USP19: variants seen among roughly 807,000 people sequenced by gnomAD.
The protein encoded by USP19 is ubiquitin carboxyl-terminal hydrolase 19.
USP19 carries 40 observed loss-of-function variants against 144.8 expected under a neutral mutation model. That is an observed-to-expected ratio of 0.28 (90% confidence interval 0.21 to 0.36). The LOEUF is 0.36. USP19 is among the 10% of genes least tolerant of loss of function. The pLI, the probability that USP19 is intolerant of heterozygous loss-of-function variation, is 1.00. For synonymous variants in USP19, 701 were observed against 709.3 expected (o/e 0.99, Z 0.19); for missense variants, 1,518 against 1,822.5 (o/e 0.83, Z 3.04).
rs1300313097 is a variant in USP19 at position 49,117,367 on chromosome 3, A to G, written c.607-6T>C. On this transcript the variant is annotated splice_region_variant and splice_polypyrimidine_tract_variant and intron_variant, in intron 5 of 26. Transcript: ENST00000417901. This position sits in a 1 kb window ranked among gnomAD's most constrained non-coding sequence, Gnocchi z 4.4. Reference sequence around the variant, plus strand: ...TGGGTCCCTAGAGGTTTCTTCTGCCAAAGATACAGCAGTCAGGCCCTGTCG... The same window carrying G: ...TGGGTCCCTAGAGGTTTCTTCTGCCGAAGATACAGCAGTCAGGCCCTGTCG... The G allele has an allele frequency of 1.3e-6, 2 of 1,599,166 alleles. No individual in the cohort carries two copies. The highest frequency in any genetic ancestry group is 1.7e-6 in the Non-Finnish European group (2 of 1,169,664).
chr3:49,117,329 C>T lies in USP19; in HGVS notation c.639G>A (p.Pro213=), dbSNP rs751271899. 8 of 1,587,098 alleles carry T rather than the reference C, an allele frequency of 5.0e-6. No individual in the cohort carries two copies. The highest frequency in any genetic ancestry group is 2.2e-5 in the South Asian group (2 of 89,174). ...KKPLGTQELV[P]GLRCQENGQE... ...GCCCATTCTCCTGGCACCGCAGCCCCGGCACCAGCTCCTGGGTCCCTAGAG... is the reference window on the plus strand; with the variant it reads ...GCCCATTCTCCTGGCACCGCAGCCCTGGCACCAGCTCCTGGGTCCCTAGAG... Residue 213 remains proline, a synonymous_variant, in exon 6 of 27, where the codon CCG becomes CCA. Transcript: ENST00000417901. This position sits in a 1 kb window ranked among gnomAD's most constrained non-coding sequence, Gnocchi z 4.4.
At position 49,111,361 on chromosome 3, in the gene USP19, A is replaced by G. The variant is rs751053094; in HGVS notation, c.3222T>C (p.Ala1074=). Residue 1074 remains alanine, a synonymous_variant, in exon 22 of 27, where the codon GCT becomes GCC. Coordinates refer to ENST00000417901, the MANE Select transcript of USP19 (RefSeq NM_001199161.2). The surrounding 1 kb of genome is among the most constrained non-coding windows in gnomAD (Gnocchi z 5.9). ...CACTTGGATGCTGGTACCCAGGCAC[A>G]GCAGCTGTGTGAGAACATGATAATC... ...AGERVSRPEA[A]VPGYQHPSEA... is the part of the protein sequence containing the mutation. 6.2e-7 allele frequency: 1 copy of G among 1,614,074 alleles called. No homozygotes were observed. Among genetic ancestry groups the G allele is most frequent in the Non-Finnish European group, 8.5e-7 (1 of 1,180,054 alleles).
At position 49,110,468 on chromosome 3, in the gene USP19, G is replaced by A. The variant is rs2042982053; in HGVS notation, c.3835C>T (p.Arg1279Cys). ...CCCACGTCACTGCGCTGACTGCTACGATCATTGGGCAGGCGTGCACAGGCA... is the reference window on the plus strand; with the variant it reads ...CCCACGTCACTGCGCTGACTGCTACAATCATTGGGCAGGCGTGCACAGGCA... The part of the protein sequence containing the change: ...YTACARLPND[R>C]SSQRSDVGWR... Residue 1279 changes from arginine to cysteine, a missense_variant, in exon 25 of 27, where the codon CGT becomes TGT. Arg to Cys is a radical substitution (Grantham distance 180, BLOSUM62 -3). Coordinates refer to ENST00000417901, the MANE Select transcript of USP19 (RefSeq NM_001199161.2). The surrounding 1 kb of genome is among the most constrained non-coding windows in gnomAD (Gnocchi z 6.1). 1.9e-6 allele frequency: 3 copies of A among 1,614,036 alleles called. No homozygotes were observed. Among genetic ancestry groups the A allele is most frequent in the East Asian group, 2.2e-5 (1 of 44,902 alleles).
rs1256702786 is a variant in USP19 at position 49,116,932 on chromosome 3, A to C, written c.921T>G (p.Asp307Glu). ...TCAGCGGTGGTATGCAAAGCTGTTC[A>C]TCAGCCTCAACCTATTAATGGCAAG... is the stretch of plus-strand genomic sequence containing the variant. Reference protein sequence around the residue: ...VADPATQVEADEQLCIPPLNS... With the variant: ...VADPATQVEAEEQLCIPPLNS... The change falls in exon 7 of 27, where the codon GAT becomes GAG. Residue 307 changes from aspartate (D) to glutamate (E), a missense_variant. By Grantham distance (45) the Asp-to-Glu change is conservative (BLOSUM62 2). Transcript: ENST00000417901. This position sits in a 1 kb window ranked among gnomAD's most constrained non-coding sequence, Gnocchi z 5.0. The C allele has an allele frequency of 1.9e-6, 3 of 1,613,590 alleles. No homozygotes were observed. The highest frequency in any genetic ancestry group is 1.3e-5 in the African/African-American group (1 of 74,910).
In USP19 at chr3:49,115,643, C is replaced by T. The variant is rs2107469513; in HGVS notation, c.1693-4G>A. Reference sequence around the variant, plus strand: ...GCACCATGCATGTAGGCTTGGGCTGCAGGAGCAAAGACGACATGAGAGAAC... The same window carrying T: ...GCACCATGCATGTAGGCTTGGGCTGTAGGAGCAAAGACGACATGAGAGAAC... On this transcript the variant is annotated splice_region_variant and splice_polypyrimidine_tract_variant and intron_variant, in intron 11 of 26. Coordinates refer to ENST00000417901, the MANE Select transcript of USP19 (RefSeq NM_001199161.2). This position sits in a 1 kb window ranked among gnomAD's most constrained non-coding sequence, Gnocchi z 6.6. The T allele has an allele frequency of 6.2e-7, 1 of 1,607,526 alleles. No individual in the cohort carries two copies. Among genetic ancestry groups the T allele is most frequent in the Non-Finnish European group, 8.5e-7 (1 of 1,176,466 alleles).
chr3:49,120,063 A>T (rs1013217906), intron 1 of USP19, among the ~76,000 whole-genome samples: 10 of 152,284 alleles, frequency 6.6e-5, no homozygotes, highest in Non-Finnish European at 1.5e-4. Context: ...AGCCACAAGG[A>T]CCACTACAGT....
In USP19 at chr3:49,117,300, T is replaced by C; in HGVS notation, c.668A>G (p.Glu223Gly). The C allele has an allele frequency of 2.5e-6, 4 of 1,582,406 alleles. No individual in the cohort carries two copies. The highest frequency in any genetic ancestry group is 3.4e-6 in the Non-Finnish European group (4 of 1,162,216). The change falls in exon 6 of 27, where the codon GAA becomes GGA. Residue 223 changes from glutamate to glycine, a missense_variant. Physicochemically the swap from Glu to Gly is moderately conservative, Grantham distance 98. This residue lies in a region of USP19 where 707 missense variants were observed against 728.9 expected (regional missense o/e 0.97). Transcript: ENST00000417901. This position sits in a 1 kb window ranked among gnomAD's most constrained non-coding sequence, Gnocchi z 4.4. ...TGGCTCCAGGGCAATGGGAGACAGT[T>C]CCTGCCCATTCTCCTGGCACCGCAG... ...PGLRCQENGQELSPIALEPGP... is the reference protein window; with the variant it reads ...PGLRCQENGQGLSPIALEPGP...
chr3:49,116,438 T>C lies in USP19; in HGVS notation c.1283+13A>G, dbSNP rs775465775. 3.7e-6 allele frequency: 6 copies of C among 1,614,136 alleles called. No homozygotes were observed. In the South Asian group the frequency reaches 6.6e-5, roughly 18 times the overall value. ...ACCTGAGGCATTGTTTGCCCCATCA[T>C]CTACCCACCCACCTGGTCTGGAAGA... On this transcript the variant is annotated intron_variant, in intron 8 of 26. Coordinates refer to ENST00000417901, the MANE Select transcript of USP19 (RefSeq NM_001199161.2). This position sits in a 1 kb window ranked among gnomAD's most constrained non-coding sequence, Gnocchi z 5.0.
Position 49,110,515 on chromosome 3 carries a change from C to A in USP19, c.3788G>T (p.Gly1263Val), listed in dbSNP as rs750051750. ...GGCAGTGTAGTGGCCACCAATCATG[C>A]CTCCATAGTGGTTGATGACAGCATA... ...DLYAVINHYG[G>V]MIGGHYTACA... Residue 1263 changes from glycine to valine, a missense_variant, in exon 25 of 27, where the codon GGC becomes GTC. Coordinates refer to ENST00000417901, the MANE Select transcript of USP19 (RefSeq NM_001199161.2). This position sits in a 1 kb window ranked among gnomAD's most constrained non-coding sequence, Gnocchi z 6.1. 6.2e-7 allele frequency: 1 copy of A among 1,614,196 alleles called. No individual in the cohort carries two copies. Among genetic ancestry groups the A allele is most frequent in the Non-Finnish European group, 8.5e-7 (1 of 1,180,046 alleles).
In USP19 at chr3:49,108,946, C is replaced by T. The variant is rs1366545619; in HGVS notation, c.4039-418G>A. 1 of 1,602,302 alleles carries T rather than the reference C, an allele frequency of 6.2e-7. No individual in the cohort carries two copies. Among genetic ancestry groups the T allele is most frequent in the Non-Finnish European group, 8.5e-7 (1 of 1,173,430 alleles). ...AGGTAGGCCAGCTCACAGCAGCTGCCTGCAGGCGAGCTCATCTCCAGCGAC... is the reference window on the plus strand; with the variant it reads ...AGGTAGGCCAGCTCACAGCAGCTGCTTGCAGGCGAGCTCATCTCCAGCGAC... On this transcript the variant is annotated intron_variant, in intron 26 of 26. Transcript: ENST00000417901. The surrounding 1 kb of genome is among the most constrained non-coding windows in gnomAD (Gnocchi z 4.8).
In USP19 at chr3:49,114,624, G is replaced by C. The variant is rs1057444187; in HGVS notation, c.2292+139C>G. The C allele has an allele frequency of 3.3e-6, 3 of 897,864 alleles. No homozygotes were observed. In the African/African-American group the frequency reaches 5.1e-5, roughly 15 times the overall value. The allele number at this position is 897,864 out of a possible 1,614,324, so 55.6% of individuals were successfully genotyped here. On this transcript the variant is annotated intron_variant, in intron 15 of 26. Transcript: ENST00000417901. This position sits in a 1 kb window ranked among gnomAD's most constrained non-coding sequence, Gnocchi z 4.5. ...CTGAGTGGGCTCTTCAGCCCAAATA[G>C]AATCCTAAGGCCTCCCTGCCAGCTT... is the stretch of plus-strand genomic sequence containing the variant.
Position 49,111,394 on chromosome 3 carries a change from C to T in USP19, c.3218-29G>A, listed in dbSNP as rs752250104. On this transcript the variant is annotated intron_variant, in intron 21 of 26. Coordinates refer to ENST00000417901, the MANE Select transcript of USP19 (RefSeq NM_001199161.2). The surrounding 1 kb of genome is among the most constrained non-coding windows in gnomAD (Gnocchi z 5.9). ...TGTGAGAACATGATAATCAAAGCTT[C>T]CCTGCCCATCAGGGCCTCACCAGGC... 5.0e-6 allele frequency: 8 copies of T among 1,613,858 alleles called. No individual in the cohort carries two copies. Among genetic ancestry groups the T allele is most frequent in the African/African-American group, 1.3e-5 (1 of 74,932 alleles).
intron 26 of USP19, chr3:49,109,318 A>G: frequency 8.5e-7 from 1 of 1,171,706 alleles, no homozygotes. Flanking sequence ...AACAGCAAGG[A>G]GGAAGGCAGG....
In USP19 at chr3:49,112,288, T is replaced by C; in HGVS notation, c.2761A>G (p.Asn921Asp). 1 of 1,608,536 alleles carries C rather than the reference T, an allele frequency of 6.2e-7. No homozygotes were observed. Among genetic ancestry groups the C allele is most frequent in the Non-Finnish European group, 8.5e-7 (1 of 1,177,546 alleles). ...CTRCYRVGYC[N>D]QLCQKTHWPD... is the part of the protein sequence containing the mutation. ...GGAGACCATGGGGGTCCTCACTGGT[T>C]GCAGTAGCCCACACGGTAGCACCGG... is the stretch of plus-strand genomic sequence containing the variant. The change falls in exon 19 of 27, where the codon AAC becomes GAC. Residue 921 changes from asparagine (N) to aspartate (D), a missense_variant. Asn to Asp is a conservative substitution (Grantham distance 23). Transcript: ENST00000417901. This position sits in a 1 kb window ranked among gnomAD's most constrained non-coding sequence, Gnocchi z 4.9.
In USP19 at chr3:49,110,567, C is replaced by T; in HGVS notation, c.3736G>A (p.Glu1246Lys). The T allele has an allele frequency of 1.2e-6, 2 of 1,614,068 alleles. No individual in the cohort carries two copies. The highest frequency in any genetic ancestry group is 2.2e-5 in the South Asian group (2 of 91,080). ...AGATCGTAGCTGGGCAGCTGCTCCT[C>T]TTTCTGACCAATGCAGAACTTGCTC... ...DLSKFCIGQK[E>K]EQLPSYDLYA... Residue 1246 changes from glutamate to lysine, a missense_variant, in exon 25 of 27, where the codon GAG becomes AAG. Physicochemically the swap from Glu to Lys is moderately conservative, Grantham distance 56 (BLOSUM62 1). Coordinates refer to ENST00000417901, the MANE Select transcript of USP19 (RefSeq NM_001199161.2). This position sits in a 1 kb window ranked among gnomAD's most constrained non-coding sequence, Gnocchi z 6.1.
chr3:49,115,446 T>C lies in USP19; in HGVS notation c.1886A>G (p.His629Arg). Residue 629 changes from histidine (H) to arginine (R), a missense_variant and splice_region_variant, in exon 12 of 27, where the codon CAT becomes CGT. Physicochemically the swap from His to Arg is conservative, Grantham distance 29 (BLOSUM62 0). This residue lies in a region of USP19 where 158 missense variants were observed against 277.3 expected (regional missense o/e 0.57). Coordinates refer to ENST00000417901, the MANE Select transcript of USP19 (RefSeq NM_001199161.2). This position sits in a 1 kb window ranked among gnomAD's most constrained non-coding sequence, Gnocchi z 6.6. ...SNTRELRDFF[H>R]DRSFEAEINY... Reference sequence around the variant, plus strand: ...CAGGCTCCAGGCCCTGCCCTCACCATGGAAGAAGTCCCGGAGTTCCCGAGT... The same window carrying C: ...CAGGCTCCAGGCCCTGCCCTCACCACGGAAGAAGTCCCGGAGTTCCCGAGT... 1.2e-6 allele frequency: 2 copies of C among 1,613,926 alleles called. No homozygotes were observed. Among genetic ancestry groups the C allele is most frequent in the Non-Finnish European group, 1.7e-6 (2 of 1,179,798 alleles).
chr3:49,108,474 G>A lies in USP19; in HGVS notation c.4093C>T (p.Arg1365Cys), dbSNP rs1426455021. The A allele has an allele frequency of 6.0e-6, 8 of 1,329,646 alleles. No homozygotes were observed. The highest frequency in any genetic ancestry group is 5.8e-5 in the South Asian group (3 of 51,634). 82.4% of individuals were successfully genotyped at this position (1,329,646 alleles called of 1,614,324 possible). The change falls in exon 27 of 27, where the codon CGC becomes TGC. Residue 1365 changes from arginine to cysteine, a missense_variant. By Grantham distance (180) the Arg-to-Cys change is radical (BLOSUM62 -3). Coordinates refer to ENST00000417901, the MANE Select transcript of USP19 (RefSeq NM_001199161.2). This position sits in a 1 kb window ranked among gnomAD's most constrained non-coding sequence, Gnocchi z 4.8. ...GGCCGATCCACAGGGGGGGCGAAGCGTTCAGGGGCTGTCCGCGTGGGGGCC... is the reference window on the plus strand; with the variant it reads ...GGCCGATCCACAGGGGGGGCGAAGCATTCAGGGGCTGTCCGCGTGGGGGCC... ...EVAPTRTAPERFAPPVDRPAP... is the reference protein window; with the variant it reads ...EVAPTRTAPECFAPPVDRPAP...
chr3:49,108,460 A>AT lies in USP19; in HGVS notation c.4106_4107insA (p.Val1370CysfsTer43). On this transcript the variant is annotated frameshift_variant, in exon 27 of 27. Transcript: ENST00000417901. LOFTEE classifies it high-confidence loss of function. The surrounding 1 kb of genome is among the most constrained non-coding windows in gnomAD (Gnocchi z 4.8). ...TGTAGGTGGGGGCTGGCCGATCCAC[A>AT]GGGGGGGCGAAGCGTTCAGGGGCTG... The AT allele has an allele frequency of 7.4e-7, 1 of 1,346,678 alleles. No individual in the cohort carries two copies. 83.4% of individuals were successfully genotyped at this position (1,346,678 alleles called of 1,614,324 possible).
In USP19 at chr3:49,116,275, C is replaced by T; in HGVS notation, c.1355+5G>A. ...GGCACAGTGGTGGGGCCGGGCACCA[C>T]CCACCTGAGCTTCACCTGCCAACGG... On this transcript the variant is annotated splice_donor_5th_base_variant and intron_variant, in intron 9 of 26. Transcript: ENST00000417901. This position sits in a 1 kb window ranked among gnomAD's most constrained non-coding sequence, Gnocchi z 5.0. 1 of 1,613,540 alleles carries T rather than the reference C, an allele frequency of 6.2e-7. No homozygotes were observed. The highest frequency in any genetic ancestry group is 2.2e-5 in the East Asian group (1 of 44,824).
Sources: gnomAD v4.1 joint callset for allele counts (sites outside exome capture counted in the v4.1 genomes callset) on GRCh38, gnomAD v4.1.1 for gene constraint, gnomAD v4.1.1 regional missense constraint, Gnocchi (gnomAD v3.1) non-coding constraint, MANE v1.5 for transcripts, NCBI Gene and HGNC (gene_info 2026-07-23, HGNC 2026-07-21) for gene names.